SLC16A4: variants seen among roughly 807,000 people sequenced by gnomAD.
The protein encoded by SLC16A4 is solute carrier family 16 member 4.
In SLC16A4, 39 loss-of-function variants were observed where a neutral mutation model predicts 47.9. That is an observed-to-expected ratio of 0.81 (90% CI 0.63 to 1.06). The LOEUF (loss-of-function observed/expected upper bound fraction) is 1.06. Ranked by LOEUF, SLC16A4 falls within the 50% of genes least tolerant of loss-of-function variation. The probability of loss-of-function intolerance (pLI) is 0.00; values close to 1 mark genes in which losing one functional copy is unlikely to be tolerated. For synonymous variants in SLC16A4, 189 were observed against 199.9 expected (o/e 0.95, Z 0.46); for missense variants, 524 against 573.8 (o/e 0.91, Z 0.89).
At chr1:110,368,812 G>A (rs1661534739) in intron 8 of SLC16A4, among the ~76,000 whole-genome samples, 4 of 149,796 alleles carry the variant, frequency 2.7e-5, no homozygotes, top group Admixed American at 6.7e-5. Context: ...TTTTTTAAGT[G>A]TTAATATTTT....
chr1:110,366,447 G>C (rs1192979549), intron 8 of SLC16A4, among the ~76,000 whole-genome samples: 2 of 152,096 alleles, frequency 1.3e-5, no homozygotes, highest in African/African-American at 4.8e-5. Flanking sequence ...CTCACTCTTA[G>C]AATGCTGTTT....
intron 6 of SLC16A4, among the ~76,000 whole-genome samples, chr1:110,377,839 T>C (rs149079476): frequency 0.022 from 3,404 of 152,226 alleles, 117 homozygotes; most frequent in African/African-American, 0.076. Context: ...TATTTTATTA[T>C]TATTTTTTGA....
rs538244460 is a variant in SLC16A4 at position 110,364,485 on chromosome 1, C to T, written c.1337-592G>A. 1.9e-4 allele frequency among the ~76,000 whole-genome samples: 28 copies of T among 148,652 alleles called. No individual in the cohort carries two copies. In the South Asian group the frequency reaches 2.1e-3, roughly 11 times the overall value. On this transcript the variant is annotated intron_variant, in intron 8 of 8. Coordinates refer to ENST00000369779, the MANE Select transcript of SLC16A4 (RefSeq NM_004696.3). ...GGGTTAAACAATGACAAGTTCCCCC[C>T]TGAAATCTAAATGCTTTTTTTTTTT...
intron 2 of SLC16A4, among the ~76,000 whole-genome samples, chr1:110,383,656 G>A (rs1662553776): frequency 6.6e-6 from 1 of 152,026 alleles, no homozygotes; most frequent in South Asian, 2.1e-4. Flanking sequence ...GCAATTTGGG[G>A]AGGGTCAGTC....
At position 110,378,853 on chromosome 1, in the gene SLC16A4, C is replaced by G; in HGVS notation, c.1030G>C (p.Gly344Arg). 6.2e-7 allele frequency: 1 copy of G among 1,601,632 alleles called. No homozygotes were observed. The highest frequency in any genetic ancestry group is 8.5e-7 in the Non-Finnish European group (1 of 1,173,438). Residue 344 changes from glycine (G) to arginine (R), a missense_variant and splice_region_variant, in exon 6 of 9, where the codon GGT becomes CGT. Coordinates refer to ENST00000369779, the MANE Select transcript of SLC16A4 (RefSeq NM_004696.3). ...MDASYLVSVAGILETVSQIIS... is the reference protein window; with the variant it reads ...MDASYLVSVARILETVSQIIS... ...AGGAGGCTGATGTAGGCTTTCTTACCTGCTACAGAAACAAGGTAAGAGGCA... is the reference window on the plus strand; with the variant it reads ...AGGAGGCTGATGTAGGCTTTCTTACGTGCTACAGAAACAAGGTAAGAGGCA...
intron 8 of SLC16A4, 152 bp from the exon 9 acceptor site, chr1:110,364,045 G>T: frequency 1.5e-6 from 1 of 645,460 alleles, no homozygotes; most frequent in African/African-American, 1.9e-5. Flanking sequence ...CACTGATGAA[G>T]TTGAATCAGC....
chr1:110,364,666 A>G (rs1275307127), intron 8 of SLC16A4, among the ~76,000 whole-genome samples: 3 of 151,918 alleles, frequency 2.0e-5, no homozygotes, highest in Non-Finnish European at 4.4e-5. Flanking sequence ...GCCCGCCACC[A>G]CACCCGGCTA....
Position 110,379,341 on chromosome 1 carries a change from A to G in SLC16A4, c.542T>C (p.Phe181Ser), listed in dbSNP as rs1241319210. ...LYDWTGALILFGAIALNLVPS... is the reference protein window; with the variant it reads ...LYDWTGALILSGAIALNLVPS... ...CACCAAATTCAATGCGATAGCTCCA[A>G]ATAATATAAGGGCTCCTAAATAGGG... is the stretch of plus-strand genomic sequence containing the variant. Residue 181 changes from phenylalanine to serine, a missense_variant, in exon 6 of 9, where the codon TTT becomes TCT. Coordinates refer to ENST00000369779, the MANE Select transcript of SLC16A4 (RefSeq NM_004696.3). 6.2e-7 allele frequency: 1 copy of G among 1,600,992 alleles called. No homozygotes were observed. Among genetic ancestry groups the G allele is most frequent in the Non-Finnish European group, 8.5e-7 (1 of 1,170,162 alleles).
chr1:110,378,764 T>A lies in SLC16A4; in HGVS notation c.1030+89A>T. 2.7e-6 allele frequency: 4 copies of A among 1,489,548 alleles called. No homozygotes were observed. In the South Asian group the frequency reaches 5.6e-5, roughly 21 times the overall value. 92.3% of individuals were successfully genotyped at this position (1,489,548 alleles called of 1,614,324 possible). A position where few individuals can be genotyped will look rare whatever the true frequency, so the allele number is the denominator to read the frequency against. On this transcript the variant is annotated intron_variant, in intron 6 of 8. Coordinates refer to ENST00000369779, the MANE Select transcript of SLC16A4 (RefSeq NM_004696.3). The stretch of plus-strand genomic sequence containing the variant: ...GCCCTTCTACAATTCCTCTTTTGTT[T>A]TTCTTTAGCTTTTTATTAAAATGTA...
chr1:110,387,152 A>G (rs1003871368), intron 2 of SLC16A4, among the ~76,000 whole-genome samples: 3 of 152,050 alleles, frequency 2.0e-5, no homozygotes, highest in Non-Finnish European at 2.9e-5. Context: ...CCATCCACCA[A>G]CAGTATTTTA....
At chr1:110,388,031 A>G (rs1454942206) in intron 2 of SLC16A4, among the ~76,000 whole-genome samples, 1 of 152,166 alleles carries the variant, frequency 6.6e-6, no homozygotes, top group African/African-American at 2.4e-5. Context: ...ATTAGAAGGC[A>G]CCAAGACCTG....
intron 2 of SLC16A4, among the ~76,000 whole-genome samples, chr1:110,386,569 G>A (rs1393604995): frequency 6.6e-6 from 1 of 152,064 alleles, no homozygotes; most frequent in Non-Finnish European, 1.5e-5. Flanking sequence ...AACACCTTAA[G>A]CAGGACTTCC....
At chr1:110,367,921 C>T (rs768791442) in intron 8 of SLC16A4, among the ~76,000 whole-genome samples, 14 of 152,116 alleles carry the variant, frequency 9.2e-5, no homozygotes, top group Admixed American at 5.9e-4. Context: ...CTCCGCCTCC[C>T]GGATTCACAC....
chr1:110,369,232 C>T (rs947139506), intron 8 of SLC16A4, among the ~76,000 whole-genome samples: 1 of 151,708 alleles, frequency 6.6e-6, no homozygotes, highest in African/African-American at 2.4e-5. Context: ...GGATTACAGG[C>T]GTGAGCCACT....
In SLC16A4 at chr1:110,363,812, AAG is replaced by A. The variant is rs1491555689; in HGVS notation, c.1416_1417del (p.Phe475CysfsTer24). 3.7e-6 allele frequency: 6 copies of A among 1,612,628 alleles called. No individual in the cohort carries two copies. The highest frequency in any genetic ancestry group is 2.5e-6 in the Non-Finnish European group (3 of 1,179,504). Reference sequence around the variant, plus strand: ...TCTTTCGGCCAATGGTACAAAAAAAAAGGAAACTGAAGAGAGGAGATAGCATA... The same window carrying A: ...TCTTTCGGCCAATGGTACAAAAAAAAGAAACTGAAGAGAGGAGATAGCATA... On this transcript the variant is annotated frameshift_variant, in exon 9 of 9. Coordinates refer to ENST00000369779, the MANE Select transcript of SLC16A4 (RefSeq NM_004696.3). LOFTEE classifies it high-confidence loss of function.
rs761716012 is a variant in SLC16A4, at chr1:110,375,390, T to C, written c.1336+68A>G. 7 of 885,374 alleles carry C rather than the reference T, an allele frequency of 7.9e-6. No individual in the cohort carries two copies. The South Asian group carries it at 8.1e-5, about 10-fold the overall frequency. The allele number at this position is 885,374 out of a possible 1,614,324, so 54.8% of individuals were successfully genotyped here. A position where few individuals can be genotyped will look rare whatever the true frequency, so the allele number is the denominator to read the frequency against. On this transcript the variant is annotated intron_variant, in intron 8 of 8. Transcript: ENST00000369779. Reference sequence around the variant, plus strand: ...CTGATACCATCATTACATGTTACCATTAATCCTGGATCAGTTTTTCTCTTT... The same window carrying C: ...CTGATACCATCATTACATGTTACCACTAATCCTGGATCAGTTTTTCTCTTT...
In SLC16A4 at chr1:110,381,643, T is replaced by G. The variant is rs372352973; in HGVS notation, c.364+9A>C. On this transcript the variant is annotated intron_variant, in intron 4 of 8. Coordinates refer to ENST00000369779, the MANE Select transcript of SLC16A4 (RefSeq NM_004696.3). ...GCCTTCTATGGTCACATAATTACAA[T>G]GGACTCACCGGGTAGAAGTCCCATA... is the stretch of plus-strand genomic sequence containing the variant. 5 of 1,607,376 alleles carry G rather than the reference T, an allele frequency of 3.1e-6. No individual in the cohort carries two copies. The Admixed American group carries it at 8.7e-5, about 28-fold the overall frequency.
intron 1 of SLC16A4, among the ~76,000 whole-genome samples, chr1:110,390,219 TCA>T (rs1662965399): frequency 6.6e-6 from 1 of 152,124 alleles, no homozygotes; most frequent in African/African-American, 2.4e-5. Flanking sequence ...AGAACTGTAC[TCA>T]GTGTCCCTCC....
chr1:110,377,244 G>T, intron 6 of SLC16A4, 83 bp from the exon 7 acceptor site: 1 of 1,147,076 alleles, frequency 8.7e-7, no homozygotes, highest in Non-Finnish European at 1.3e-6. Flanking sequence ...CAAGTAATAT[G>T]ATCTCATCCT....
Sources: allele counts gnomAD v4.1 joint callset (sites outside exome capture counted in the v4.1 genomes callset), GRCh38; gene constraint gnomAD v4.1.1; transcripts MANE v1.5; gene names NCBI Gene and HGNC (gene_info 2026-07-23, HGNC 2026-07-21).